MAS1: variants seen among roughly 807,000 people sequenced by gnomAD.
The protein encoded by MAS1 is proto-oncogene Mas.
For missense variants in MAS1, 387 were observed against 409.7 expected, an observed-to-expected ratio of 0.94 and a Z score of 0.48; for synonymous variants, 163 against 164.2, an observed-to-expected ratio of 0.99 and a Z score of 0.05.
chr6:159,895,485 A>C (rs1782745277), intron 1 of MAS1, among the ~76,000 whole-genome samples: 1 of 152,246 alleles, frequency 6.6e-6, no homozygotes, highest in Non-Finnish European at 1.5e-5. Flanking sequence ...AAAATATAAC[A>C]TATACATATG....
At chr6:159,904,354 C>T (rs1484531823) in intron 2 of MAS1, among the ~76,000 whole-genome samples, 1 of 152,210 alleles carries the variant, frequency 6.6e-6, no homozygotes, top group African/African-American at 2.4e-5. Context: ...CCTGACACTC[C>T]CCTGGACATG....
At position 159,907,032 on chromosome 6, in the gene MAS1, G is replaced by T. The variant is rs760551394; in HGVS notation, c.77G>T (p.Gly26Val). The change falls in exon 3 of 3, where the codon GGG becomes GTG. Residue 26 changes from glycine to valine, a missense_variant. Transcript: ENST00000674077. ...TCAACTGGCAGGAACGCCTCAGTCG[G>T]GAATGCACATCGGCAAATCCCCATC... ...NISTGRNASV[G>V]NAHRQIPIVH... The T allele has an allele frequency of 1.9e-6, 3 of 1,613,982 alleles. No homozygotes were observed. The highest frequency in any genetic ancestry group is 2.5e-6 in the Non-Finnish European group (3 of 1,179,890).
intron 2 of MAS1, 26 bp from the exon 3 acceptor site, chr6:159,906,890 GTGTT>G: frequency 2.7e-6 from 4 of 1,461,306 alleles, no homozygotes; most frequent in Non-Finnish European, 3.7e-6. Context: ...ATGGCTTTTT[GTGTT>G]TGTTTTGTTC....
intron 1 of MAS1, among the ~76,000 whole-genome samples, chr6:159,897,901 T>C (rs376332389): frequency 2.0e-5 from 3 of 152,050 alleles, no homozygotes; most frequent in Non-Finnish European, 4.4e-5. Flanking sequence ...GTCTTTTTTT[T>C]TTCTTTTTTG....
Position 159,894,147 on chromosome 6 carries a change from T to C in MAS1, c.-244+3014T>C, listed in dbSNP as rs137968865. On this transcript the variant is annotated intron_variant, in intron 1 of 2. Coordinates refer to ENST00000674077, the MANE Select transcript of MAS1 (RefSeq NM_002377.4). ...CATCAGAAAATGGTGATGGTTGAAA[T>C]GGTGGGATTGAACAAGACCACCCAA... is the stretch of plus-strand genomic sequence containing the variant. 4.4e-3 allele frequency among the ~76,000 whole-genome samples: 662 copies of C among 152,106 alleles called. 7 individuals are homozygous for C. Among genetic ancestry groups the C allele is most frequent in the African/African-American group, 0.015 (625 of 41,490 alleles).
intron 1 of MAS1, among the ~76,000 whole-genome samples, chr6:159,893,096 C>T (rs1257843218): frequency 1.3e-5 from 2 of 152,224 alleles, no homozygotes; most frequent in South Asian, 4.1e-4. Context: ...GTCTCTTCTG[C>T]ATTCAGATGC....
At chr6:159,888,953 T>C (rs1782665903), upstream of MAS1, among the ~76,000 whole-genome samples, 1 of 152,346 alleles carries the variant, frequency 6.6e-6, no homozygotes, top group Non-Finnish European at 1.5e-5. Flanking sequence ...TAAATCATTA[T>C]CTACCAAAAA....
At chr6:159,896,725 C>G (rs1324640496) in intron 1 of MAS1, among the ~76,000 whole-genome samples, 4 of 152,160 alleles carry the variant, frequency 2.6e-5, no homozygotes, top group Non-Finnish European at 4.4e-5. Context: ...TGCCTGCTGC[C>G]CAGACAGAGC....
Position 159,916,884 on chromosome 6 carries a change from G to A in MAS1, c.*8951G>A, listed in dbSNP as rs546154387. ...CACTGCTTAGATGAACGAGGATGGC[G>A]GCACGCCAACAAATTCATTATGGAC... On this transcript the variant is annotated 3_prime_UTR_variant, in exon 3 of 3. Transcript: ENST00000674077. Among the ~76,000 whole-genome samples, 13 of 152,342 alleles carry A rather than the reference G, an allele frequency of 8.5e-5. No individual in the cohort carries two copies. In the South Asian group the frequency reaches 1.7e-3, roughly 19 times the overall value.
intron 2 of MAS1, chr6:159,906,581 A>G (rs1399089288): frequency 1.7e-5 from 3 of 173,624 alleles, no homozygotes; most frequent in Non-Finnish European, 3.7e-5. Flanking sequence ...CTCAGGCCAG[A>G]ACTGGAAATG....
rs751168993 is a variant in MAS1, at chr6:159,907,309, G to A, written c.354G>A (p.Thr118=). 3.7e-6 allele frequency: 6 copies of A among 1,614,124 alleles called. No homozygotes were observed. Among genetic ancestry groups the A allele is most frequent in the Middle Eastern group, 1.6e-4 (1 of 6,062 alleles). ...LSVTFLFGYN[T]GLYLLTAISV... ...TGACTTTTCTGTTTGGCTACAACAC[G>A]GGCCTCTATCTGCTGACGGCCATTA... Residue 118 remains threonine (T), a synonymous_variant, in exon 3 of 3, where the codon ACG becomes ACA. Transcript: ENST00000674077.
At position 159,914,700 on chromosome 6, in the gene MAS1, C is replaced by A. The variant is rs1783001372; in HGVS notation, c.*6767C>A. 6.6e-6 allele frequency: 1 copy of A among 152,322 alleles called. No individual in the cohort carries two copies. Among genetic ancestry groups the A allele is most frequent in the Non-Finnish European group, 1.5e-5 (1 of 68,126 alleles). The allele number at this position is 152,322 out of a possible 1,614,324, so 9.4% of individuals were successfully genotyped here. A position where few individuals can be genotyped will look rare whatever the true frequency, so the allele number is the denominator to read the frequency against. On this transcript the variant is annotated 3_prime_UTR_variant, in exon 3 of 3. Coordinates refer to ENST00000674077, the MANE Select transcript of MAS1 (RefSeq NM_002377.4). ...TCAGAGCTCAGAGTGCACCAGTACA[C>A]CAGTTGCTGCAATCAGTGCTTGGCT...
At position 159,917,061 on chromosome 6, in the gene MAS1, T is replaced by G. The variant is rs1009684723; in HGVS notation, c.*9128T>G. Among the ~76,000 whole-genome samples the G allele has an allele frequency of 6.6e-6, 1 of 152,218 alleles. No individual in the cohort carries two copies. Among genetic ancestry groups the G allele is most frequent in the East Asian group, 1.9e-4 (1 of 5,204 alleles). ...TTGGTAGTGGCCGGACTTTGCCACC[T>G]CCAGCCTGGAGTGTTTTGGGAATTC... On this transcript the variant is annotated 3_prime_UTR_variant, in exon 3 of 3. Transcript: ENST00000674077.
intron 2 of MAS1, among the ~76,000 whole-genome samples, chr6:159,900,207 GTCT>G (rs1287216488): frequency 2.0e-5 from 3 of 152,152 alleles, no homozygotes; most frequent in African/African-American, 7.2e-5. Context: ...CAACTGTGTG[GTCT>G]TCTCTCTGCT....
Position 159,913,591 on chromosome 6 carries a change from G to C in MAS1, c.*5658G>C, listed in dbSNP as rs77011198. The C allele has an allele frequency of 1.4e-3, 214 of 152,308 alleles. 3 individuals carry two copies. The highest frequency in any genetic ancestry group is 5.0e-3 in the African/African-American group (207 of 41,566). The allele number at this position is 152,308 out of a possible 1,614,324, so 9.4% of individuals were successfully genotyped here. ...CTGGTCATTTCCTGGGGCTCAGCTGGAAAGGTGGACCAGAGTTCCTACACA... is the reference window on the plus strand; with the variant it reads ...CTGGTCATTTCCTGGGGCTCAGCTGCAAAGGTGGACCAGAGTTCCTACACA... On this transcript the variant is annotated 3_prime_UTR_variant, in exon 3 of 3. Coordinates refer to ENST00000674077, the MANE Select transcript of MAS1 (RefSeq NM_002377.4).
rs1486990492 is a variant in MAS1 at position 159,915,696 on chromosome 6, G to A, written c.*7763G>A. 1 of 152,264 alleles carries A rather than the reference G, an allele frequency of 6.6e-6. No homozygotes were observed. Among genetic ancestry groups the A allele is most frequent in the Non-Finnish European group, 1.5e-5 (1 of 68,070 alleles). 9.4% of individuals were successfully genotyped at this position (152,264 alleles called of 1,614,324 possible). ...TGACTTAGTTGGAGTTCCACCCAAA[G>A]CAGATCCTGAGACAAGGATTTAGTG... On this transcript the variant is annotated 3_prime_UTR_variant, in exon 3 of 3. Transcript: ENST00000674077.
chr6:159,898,584 T>TC (rs1782783067), intron 1 of MAS1, among the ~76,000 whole-genome samples: 1 of 7,526 alleles, frequency 1.3e-4, no homozygotes, highest in Non-Finnish European at 2.7e-4. Flanking sequence ...TCCTCTTCCT[T>TC]TTCCCTGTTC....
rs1360402934 is a variant in MAS1, at chr6:159,917,069, G to C, written c.*9136G>C. 6.6e-6 allele frequency among the ~76,000 whole-genome samples: 1 copy of C among 152,238 alleles called. No homozygotes were observed. Among genetic ancestry groups the C allele is most frequent in the Non-Finnish European group, 1.5e-5 (1 of 68,042 alleles). ...GGCCGGACTTTGCCACCTCCAGCCT[G>C]GAGTGTTTTGGGAATTCCCCATTCT... On this transcript the variant is annotated 3_prime_UTR_variant, in exon 3 of 3. Transcript: ENST00000674077.
intron 1 of MAS1, among the ~76,000 whole-genome samples, chr6:159,893,457 A>G (rs1434549946): frequency 1.3e-5 from 2 of 152,126 alleles, no homozygotes; most frequent in African/African-American, 4.8e-5. Context: ...GCATCTGTGC[A>G]GGGGCAGGGG....
Sources: gnomAD v4.1 joint callset for allele counts (sites outside exome capture counted in the v4.1 genomes callset) on GRCh38, gnomAD v4.1.1 for gene constraint, MANE v1.5 for transcripts, NCBI Gene and HGNC (gene_info 2026-07-23, HGNC 2026-07-21) for gene names.